Variants in CADM2 observed in about 807,000 individuals in gnomAD.
The protein encoded by CADM2 is cell adhesion molecule 2.
Under a neutral mutation model 49.8 loss-of-function variants are expected in CADM2, and 12 were observed. The observed-to-expected ratio is 0.24, with a 90% CI of 0.15 to 0.39. CADM2 has a LOEUF of 0.39. CADM2 is among the 10% of genes least tolerant of loss of function. The pLI is 1.00. For missense variants in CADM2, 378 were observed against 492.3 expected, an observed-to-expected ratio of 0.77 and a Z score of 2.20; for synonymous variants, 214 against 175.4, an observed-to-expected ratio of 1.22 and a Z score of -1.74.
chr3:85,871,327 T>C (rs922347426), intron 3 of CADM2, among the ~76,000 whole-genome samples: 3 of 152,116 alleles, frequency 2.0e-5, no homozygotes, highest in Non-Finnish European at 2.9e-5. Context: ...AACCACTAAA[T>C]GTTTTTTAAG....
At chr3:85,351,420 T>C (rs2031337333) in intron 1 of CADM2, among the ~76,000 whole-genome samples, 1 of 152,190 alleles carries the variant, frequency 6.6e-6, no homozygotes, top group Non-Finnish European at 1.5e-5. Context: ...TTCTTCAGAA[T>C]GTTAAATGGG....
At chr3:85,991,707 G>C (rs887863891) in intron 8 of CADM2, among the ~76,000 whole-genome samples, 4 of 151,984 alleles carry the variant, frequency 2.6e-5, no homozygotes, top group African/African-American at 9.7e-5. Flanking sequence ...TCATAATATG[G>C]CTGATATTCT....
chr3:85,339,602 G>A (rs111830282), intron 1 of CADM2, among the ~76,000 whole-genome samples: 1 of 150,544 alleles, frequency 6.6e-6, no homozygotes, highest in Non-Finnish European at 1.5e-5. Context: ...TAACCTATAG[G>A]CATTCTCCCA....
At position 85,537,484 on chromosome 3, in the gene CADM2, G is replaced by T. The variant is rs983780791; in HGVS notation, c.62-189038G>T. The stretch of plus-strand genomic sequence containing the variant: ...TGATTGGTCAAGTACAAGTACGCAT[G>T]CATGGTTGTTTGTGTGTGTGTGTGT... On this transcript the variant is annotated intron_variant, in intron 1 of 9. Coordinates refer to ENST00000383699, the MANE Select transcript of CADM2 (RefSeq NM_001167675.2). Among the ~76,000 whole-genome samples the T allele has an allele frequency of 3.4e-4, 26 of 76,674 alleles. No individual in the cohort carries two copies. The Admixed American group carries it at 4.7e-3, about 14-fold the overall frequency. The allele number at this position is 76,674 out of a possible 152,430, so 50.3% of individuals were successfully genotyped here.
intron 1 of CADM2, among the ~76,000 whole-genome samples, chr3:85,382,866 C>T (rs1030485259): frequency 6.6e-6 from 1 of 152,130 alleles, no homozygotes; most frequent in Non-Finnish European, 1.5e-5. Flanking sequence ...CGAAAAACTA[C>T]ATCAATAAAA....
chr3:85,125,058 A>G (rs1011779158), intron 1 of CADM2, among the ~76,000 whole-genome samples: 1 of 152,218 alleles, frequency 6.6e-6, no homozygotes, highest in African/African-American at 2.4e-5. Flanking sequence ...AAGCCTGTCT[A>G]AAATTTAATC....
At chr3:85,187,392 G>A (rs753194481) in intron 1 of CADM2, among the ~76,000 whole-genome samples, 5 of 151,806 alleles carry the variant, frequency 3.3e-5, no homozygotes, top group Non-Finnish European at 7.4e-5. Flanking sequence ...TTATATTCTT[G>A]CGAGTCCTCT....
intron 5 of CADM2, among the ~76,000 whole-genome samples, chr3:85,891,423 T>C (rs1410743544): frequency 6.6e-6 from 1 of 152,194 alleles, no homozygotes; most frequent in African/African-American, 2.4e-5. Flanking sequence ...ATCCACACCC[T>C]TGTATAAACC....
chr3:86,041,492 T>A (rs1735928638), intron 8 of CADM2, among the ~76,000 whole-genome samples: 1 of 152,146 alleles, frequency 6.6e-6, no homozygotes, highest in South Asian at 2.1e-4. Context: ...AGAAGGCCAT[T>A]ACATAATGGT....
At chr3:85,712,502 C>T (rs1362820989) in intron 1 of CADM2, among the ~76,000 whole-genome samples, 1 of 152,130 alleles carries the variant, frequency 6.6e-6, no homozygotes, top group Non-Finnish European at 1.5e-5. Flanking sequence ...AAATTTTCCA[C>T]AAAGCAGAAG....
At chr3:85,506,517 G>A (rs1184171643) in intron 1 of CADM2, among the ~76,000 whole-genome samples, 1 of 152,038 alleles carries the variant, frequency 6.6e-6, no homozygotes, top group African/African-American at 2.4e-5. Flanking sequence ...AATTTAAAAT[G>A]AAATAATTTC....
intron 1 of CADM2, among the ~76,000 whole-genome samples, chr3:85,641,698 C>T (rs140878284): frequency 0.15 from 22,800 of 151,166 alleles, 1,830 homozygotes; most frequent in African/African-American, 0.19. Context: ...AGGCTGAGGC[C>T]GGCAGATCAC....
intron 8 of CADM2, among the ~76,000 whole-genome samples, chr3:86,018,656 T>C (rs916317749): frequency 6.6e-5 from 10 of 152,232 alleles, no homozygotes; most frequent in African/African-American, 2.4e-4. Flanking sequence ...CATGTGTTTT[T>C]TGGCTGCATA....
intron 1 of CADM2, among the ~76,000 whole-genome samples, chr3:85,002,210 C>A (rs970294797): frequency 5.3e-5 from 8 of 152,018 alleles, no homozygotes; most frequent in Admixed American, 2.6e-4. Flanking sequence ...ATGTTCTTTG[C>A]TCCCTTTTCC....
chr3:84,968,170 G>T (rs2031154575), intron 1 of CADM2, among the ~76,000 whole-genome samples: 1 of 151,602 alleles, frequency 6.6e-6, no homozygotes, highest in African/African-American at 2.4e-5. Flanking sequence ...TCCCTCTCCA[G>T]CCCTTCTGTA....
intron 1 of CADM2, among the ~76,000 whole-genome samples, chr3:85,432,554 T>C (rs888279532): frequency 6.6e-6 from 1 of 152,112 alleles, no homozygotes; most frequent in African/African-American, 2.4e-5. Context: ...TTAGAGGTCA[T>C]CATTTCATGT....
intron 6 of CADM2, among the ~76,000 whole-genome samples, chr3:85,919,710 G>A (rs1188759078): frequency 6.6e-6 from 1 of 151,594 alleles, no homozygotes; most frequent in African/African-American, 2.4e-5. Context: ...TTCCTTCCTT[G>A]CCTTACTCCG....
chr3:85,581,418 AG>A (rs895046435), intron 1 of CADM2, among the ~76,000 whole-genome samples: 1 of 150,670 alleles, frequency 6.6e-6, no homozygotes, highest in African/African-American at 2.4e-5. Flanking sequence ...TTCCTGAAAA[AG>A]TCAAGGTTGT....
intron 8 of CADM2, among the ~76,000 whole-genome samples, chr3:86,037,451 G>A (rs1476421532): frequency 6.6e-6 from 1 of 152,108 alleles, no homozygotes; most frequent in Non-Finnish European, 1.5e-5. Context: ...GGGGGGCAGG[G>A]CAAGCACTAA....
Sources: allele counts gnomAD v4.1 joint callset (sites outside exome capture counted in the v4.1 genomes callset), GRCh38; gene constraint gnomAD v4.1.1; transcripts MANE v1.5; gene names NCBI Gene and HGNC (gene_info 2026-07-23, HGNC 2026-07-21).